The following PAPPA2 variants were observed in gnomAD, a reference collection of about 807,000 sequenced individuals.
PAPPA2 encodes the protein pappalysin-2.
In PAPPA2, 86 loss-of-function variants were observed where a neutral mutation model predicts 176.4. That is an observed-to-expected ratio of 0.49 (90% CI 0.41 to 0.58). PAPPA2 has a LOEUF of 0.58. Among genes scored for constraint, PAPPA2 ranks in the 20% least tolerant of loss-of-function variants. PAPPA2 has a pLI of 0.00. For missense variants in PAPPA2, 2,073 were observed against 2,256.9 expected (o/e 0.92, Z 1.65); for synonymous variants, 809 against 852.2 (o/e 0.95, Z 0.88).
At chr1:176,628,158 G>A (rs371297914) in intron 3 of PAPPA2, among the ~76,000 whole-genome samples, 2 of 152,142 alleles carry the variant, frequency 1.3e-5, no homozygotes, top group African/African-American at 4.8e-5. Flanking sequence ...CAGAAAGGTT[G>A]ATTTAGCTAG....
At chr1:176,540,415 A>G (rs892783627) in intron 1 of PAPPA2, among the ~76,000 whole-genome samples, 3 of 152,302 alleles carry the variant, frequency 2.0e-5, no homozygotes, top group African/African-American at 7.2e-5. Context: ...TGATTGCTTT[A>G]TTCTTAGTGC....
intron 2 of PAPPA2, among the ~76,000 whole-genome samples, chr1:176,585,907 C>T (rs2102636224): frequency 6.6e-6 from 1 of 152,160 alleles, no homozygotes; most frequent in African/African-American, 2.4e-5. Context: ...AACCATCTAT[C>T]TGTCTCTTAA....
rs370277595 is a variant in PAPPA2 at position 176,702,621 on chromosome 1, G to C, written c.3251G>C (p.Gly1084Ala). The change falls in exon 9 of 23, where the codon GGA becomes GCA. Residue 1084 changes from glycine (G) to alanine (A), a missense_variant. Gly to Ala is a moderately conservative substitution (Grantham distance 60). Transcript: ENST00000367662. The part of the protein sequence containing the change: ...RKFTDVEVTP[G>A]QMYQYQVLAE... ...GGTTTCCACAGGGAGGTCACACCTG[G>C]ACAGATGTATCAGTACCAAGTTCTA... 2 of 1,614,104 alleles carry C rather than the reference G, an allele frequency of 1.2e-6. No homozygotes were observed. Among genetic ancestry groups the C allele is most frequent in the Non-Finnish European group, 1.7e-6 (2 of 1,180,024 alleles).
chr1:176,583,783 A>C, intron 2 of PAPPA2, among the ~76,000 whole-genome samples: 1 of 152,152 alleles, frequency 6.6e-6, no homozygotes, highest in East Asian at 1.9e-4. Context: ...GGCTAGGCAT[A>C]ATGGCTCACA....
chr1:176,498,142 GTTTTTTCTT>G (rs1553351918), intron 1 of PAPPA2, among the ~76,000 whole-genome samples: 2 of 152,098 alleles, frequency 1.3e-5, no homozygotes, highest in South Asian at 4.1e-4. Context: ...TAAAGTTACC[GTTTTTTCTT>G]TTTTTTCTTT....
At position 176,711,937 on chromosome 1, in the gene PAPPA2, C is replaced by G. The variant is rs1164296221; in HGVS notation, c.3754C>G (p.Gln1252Glu). The G allele has an allele frequency of 6.2e-7, 1 of 1,613,762 alleles. No homozygotes were observed. Among genetic ancestry groups the G allele is most frequent in the Non-Finnish European group, 8.5e-7 (1 of 1,179,768 alleles). The change falls in exon 12 of 23, where the codon CAG becomes GAG. Residue 1252 changes from glutamine to glutamate, a missense_variant. Physicochemically the swap from Gln to Glu is conservative, Grantham distance 29. Transcript: ENST00000367662. The stretch of plus-strand genomic sequence containing the variant: ...TGAAACTCAGGATGACAGGAGTGAA[C>G]AGCCAGAAGGTAGCCTGAAGAAAGA... ...ENETQDDRSE[Q>E]PEGSLKKEDE...
chr1:176,625,461 T>A (rs1173562586), intron 3 of PAPPA2, among the ~76,000 whole-genome samples: 2 of 152,184 alleles, frequency 1.3e-5, no homozygotes, highest in African/African-American at 2.4e-5. Flanking sequence ...CAATAAATGT[T>A]AAAGTGAAGA....
rs535861036 is a variant in PAPPA2 at position 176,670,914 on chromosome 1, A to C, written c.1992-56A>C. On this transcript the variant is annotated intron_variant, in intron 3 of 22. Coordinates refer to ENST00000367662, the MANE Select transcript of PAPPA2 (RefSeq NM_020318.3). ...GAATCTGATTAGGTCTGGCTCTGCT[A>C]TTCTCTAAGTACCAATTCTTTGCTG... The C allele has an allele frequency of 2.4e-5, 39 of 1,604,722 alleles. 1 individual carries two copies. In the South Asian group the frequency reaches 4.1e-4, roughly 17 times the overall value.
At chr1:176,481,254 A>ACACG in intron 1 of PAPPA2, among the ~76,000 whole-genome samples, 1 of 42,090 alleles carries the variant, frequency 2.4e-5, no homozygotes, top group African/African-American at 1.8e-4. Flanking sequence ...ATTTTAAAGC[A>ACACG]CACACACACA....
At chr1:176,822,776 T>A (rs979238026) in intron 21 of PAPPA2, among the ~76,000 whole-genome samples, 4 of 152,220 alleles carry the variant, frequency 2.6e-5, no homozygotes, top group African/African-American at 9.6e-5. Flanking sequence ...CAGATTATTA[T>A]GAAATTTGAT....
rs1233597385 is a variant in PAPPA2 at position 176,501,111 on chromosome 1, A to G, written c.-917+37693A>G. Among the ~76,000 whole-genome samples the G allele has an allele frequency of 4.0e-5, 6 of 149,128 alleles. No individual in the cohort carries two copies. The East Asian group carries it at 7.7e-4, about 19-fold the overall frequency. Reference sequence around the variant, plus strand: ...TTTATAATAGAATAATATGATATATATTATACAATTATATGAAAGAAATAG... The same window carrying G: ...TTTATAATAGAATAATATGATATATGTTATACAATTATATGAAAGAAATAG... On this transcript the variant is annotated intron_variant, in intron 1 of 22. Transcript: ENST00000367662.
intron 2 of PAPPA2, among the ~76,000 whole-genome samples, chr1:176,561,353 T>C (rs1304817535): frequency 2.0e-5 from 3 of 152,164 alleles, no homozygotes; most frequent in East Asian, 3.9e-4. Context: ...TGTTTACTCA[T>C]GGCCTGGCAG....
At chr1:176,601,012 T>C (rs906026533) in intron 3 of PAPPA2, among the ~76,000 whole-genome samples, 2 of 152,120 alleles carry the variant, frequency 1.3e-5, no homozygotes, top group Admixed American at 6.6e-5. Context: ...TTCCAATGTG[T>C]CTCCCAAAGT....
intron 3 of PAPPA2, among the ~76,000 whole-genome samples, chr1:176,617,938 T>G (rs1021689448): frequency 6.6e-6 from 1 of 152,086 alleles, no homozygotes; most frequent in Non-Finnish European, 1.5e-5. Context: ...TCTTATTGGT[T>G]GAAATGACTT....
At chr1:176,569,394 T>G (rs1166597902) in intron 2 of PAPPA2, among the ~76,000 whole-genome samples, 3 of 152,228 alleles carry the variant, frequency 2.0e-5, no homozygotes, top group Non-Finnish European at 2.9e-5. Flanking sequence ...ACCCCCTAGA[T>G]TTTTAGTGAA....
chr1:176,788,414 G>T (rs541030830), intron 17 of PAPPA2, among the ~76,000 whole-genome samples: 5 of 152,258 alleles, frequency 3.3e-5, no homozygotes, highest in African/African-American at 1.2e-4. Context: ...AAGGGTTGGT[G>T]GGCATATTTA....
chr1:176,653,255 A>G (rs2102746160), intron 3 of PAPPA2, among the ~76,000 whole-genome samples: 1 of 151,648 alleles, frequency 6.6e-6, no homozygotes, highest in East Asian at 2.0e-4. Context: ...CTCATTCAGC[A>G]CTCTTAGAGG....
intron 3 of PAPPA2, among the ~76,000 whole-genome samples, chr1:176,646,691 C>A (rs780068104): frequency 3.3e-5 from 5 of 151,456 alleles, no homozygotes; most frequent in African/African-American, 7.3e-5. Flanking sequence ...GCTTATTTCA[C>A]TTAACATAAT....
chr1:176,532,892 C>T (rs532947231), intron 1 of PAPPA2, among the ~76,000 whole-genome samples: 3 of 152,182 alleles, frequency 2.0e-5, no homozygotes, highest in South Asian at 2.1e-4. Context: ...TTGCCCACCC[C>T]CTGTGGGCAC....
Sources: gnomAD v4.1 joint callset for allele counts (sites outside exome capture counted in the v4.1 genomes callset) on GRCh38, gnomAD v4.1.1 for gene constraint, MANE v1.5 for transcripts, NCBI Gene and HGNC (gene_info 2026-07-23, HGNC 2026-07-21) for gene names.